Variants in ADAM32 observed in about 807,000 individuals in gnomAD.
ADAM32 encodes ADAM metallopeptidase domain 32.
ADAM32 carries 89 observed loss-of-function variants against 114.9 expected under a neutral mutation model. The ratio of observed to expected loss-of-function variants is 0.77; its 90% CI spans 0.65 to 0.92. The LOEUF is 0.92. Among genes scored for constraint, ADAM32 ranks in the 40% least tolerant of loss-of-function variants. ADAM32 has a pLI of 0.00. For synonymous variants in ADAM32, 285 were observed against 307.5 expected (o/e 0.93, Z 0.77); for missense variants, 870 against 932.8 (o/e 0.93, Z 0.88).
At position 39,133,482 on chromosome 8, in the gene ADAM32, A is replaced by G. The variant is rs796334435; in HGVS notation, c.139-3175A>G. 2.4e-4 allele frequency among the ~76,000 whole-genome samples: 36 copies of G among 152,368 alleles called. 1 individual carries two copies. Among genetic ancestry groups the G allele is most frequent in the African/African-American group, 8.7e-4 (36 of 41,596 alleles). ...TGGGGATGGGGAAACCAGGCAAGCC[A>G]GTCTACAGTGGTGGCAGTGGCAGGT... On this transcript the variant is annotated intron_variant, in intron 2 of 24. Coordinates refer to ENST00000379907, the MANE Select transcript of ADAM32 (RefSeq NM_145004.7).
At chr8:39,130,715 C>T in intron 2 of ADAM32, 1 of 288,480 alleles carries the variant, frequency 3.5e-6, no homozygotes, top group Non-Finnish European at 6.9e-6. Flanking sequence ...GGTTTTGTCT[C>T]TTGTTGATTC....
intron 12 of ADAM32, chr8:39,220,791 ATT>A (rs1242115268): frequency 1.3e-5 from 2 of 151,902 alleles, no homozygotes; most frequent in East Asian, 3.8e-4. Context: ...TATGATTTTA[ATT>A]GTTTTTTGAA....
At chr8:39,175,228 G>A (rs756612308) in intron 10 of ADAM32, among the ~76,000 whole-genome samples, 6 of 152,226 alleles carry the variant, frequency 3.9e-5, no homozygotes, top group Middle Eastern at 3.4e-3. Flanking sequence ...ATGTTGAATA[G>A]GAATGGTGAG....
chr8:39,213,111 A>G (rs1808338767), intron 12 of ADAM32, among the ~76,000 whole-genome samples: 1 of 152,178 alleles, frequency 6.6e-6, no homozygotes, highest in Non-Finnish European at 1.5e-5. Flanking sequence ...GTAATGATTA[A>G]GTCAAGGTTA....
Position 39,166,315 on chromosome 8 carries a change from T to C in ADAM32, c.833+1119T>C, listed in dbSNP as rs889068144. ...GATGTTTGGTTTTCCATTCTTGAGT[T>C]ACTTCACTTAGAATAATAGTCTCCA... On this transcript the variant is annotated intron_variant, in intron 9 of 24. Transcript: ENST00000379907. 17 of 152,254 alleles carry C rather than the reference T, an allele frequency of 1.1e-4. 1 individual carries two copies. Among genetic ancestry groups the C allele is most frequent in the African/African-American group, 3.4e-4 (14 of 41,470 alleles). The allele number at this position is 152,254 out of a possible 1,614,324, so 9.4% of individuals were successfully genotyped here.
chr8:39,235,541 A>AAGTCTTTT (rs1446254034), intron 16 of ADAM32, among the ~76,000 whole-genome samples: 6 of 152,168 alleles, frequency 3.9e-5, no homozygotes, highest in African/African-American at 1.4e-4. Context: ...ACAACCAATA[A>AAGTCTTTT]AGTCTTTGAG....
Position 39,219,196 on chromosome 8 carries a change from G to A in ADAM32, c.1234-2414G>A, listed in dbSNP as rs950731029. ...CAACCAGAAGGACGGGGTCTTTTTG[G>A]CGCTGTGCACTCTGCTGCCTGAGGC... On this transcript the variant is annotated intron_variant, in intron 12 of 24. Coordinates refer to ENST00000379907, the MANE Select transcript of ADAM32 (RefSeq NM_145004.7). 2.6e-5 allele frequency among the ~76,000 whole-genome samples: 4 copies of A among 152,100 alleles called. No homozygotes were observed. The East Asian group carries it at 7.8e-4, about 29-fold the overall frequency.
Position 39,221,579 on chromosome 8 carries a change from A to G in ADAM32, c.1234-31A>G, listed in dbSNP as rs776216326. On this transcript the variant is annotated intron_variant, in intron 12 of 24. Coordinates refer to ENST00000379907, the MANE Select transcript of ADAM32 (RefSeq NM_145004.7). The stretch of plus-strand genomic sequence containing the variant: ...AAAGATTTTACTATTGTCATGATGT[A>G]TTTTTACTTGTACATTTCACTAATT... 32 of 1,535,816 alleles carry G rather than the reference A, an allele frequency of 2.1e-5. No individual in the cohort carries two copies. In the Admixed American group the frequency reaches 5.3e-4, roughly 25 times the overall value.
chr8:39,281,074 G>A (rs547466985), intron 22 of ADAM32, 62 bp from the exon 23 acceptor site: 29 of 838,192 alleles, frequency 3.5e-5, no homozygotes, highest in Middle Eastern at 4.6e-4. Context: ...GAGCCACCGC[G>A]CCTGGCCAAT....
chr8:39,196,918 G>A (rs1428609849), intron 11 of ADAM32, among the ~76,000 whole-genome samples: 1 of 152,032 alleles, frequency 6.6e-6, no homozygotes, highest in African/African-American at 2.4e-5. Flanking sequence ...AAAAACTGGT[G>A]TTAGTTCTTC....
intron 23 of ADAM32, 92 bp from the exon 24 acceptor site, chr8:39,283,494 A>G: frequency 1.0e-6 from 1 of 1,003,156 alleles, no homozygotes; most frequent in South Asian, 1.9e-5. Context: ...TTGAACGGAA[A>G]GAGGAAGAAA....
chr8:39,112,157 G>A (rs944050719), intron 1 of ADAM32, among the ~76,000 whole-genome samples: 1 of 152,042 alleles, frequency 6.6e-6, no homozygotes, highest in African/African-American at 2.4e-5. Context: ...ATGTTTAACA[G>A]TTTGATGGTA....
intron 9 of ADAM32, chr8:39,167,781 AT>A (rs1332209554): frequency 6.6e-6 from 1 of 151,932 alleles, no homozygotes; most frequent in East Asian, 1.9e-4. Flanking sequence ...ATTCCTAAGT[AT>A]TTTATTTTTT....
chr8:39,237,851 C>G (rs1810280046), intron 16 of ADAM32, among the ~76,000 whole-genome samples: 1 of 152,176 alleles, frequency 6.6e-6, no homozygotes, highest in Non-Finnish European at 1.5e-5. Context: ...CTAGGGCCCA[C>G]CCATCACCTG....
chr8:39,172,324 CT>C (rs780354137), intron 10 of ADAM32, among the ~76,000 whole-genome samples: 1 of 152,028 alleles, frequency 6.6e-6, no homozygotes, highest in Admixed American at 6.6e-5. Context: ...AATGAAAGCA[CT>C]TTTTTTCTTC....
intron 11 of ADAM32, among the ~76,000 whole-genome samples, chr8:39,188,204 A>G (rs567358460): frequency 4.9e-4 from 75 of 152,342 alleles, no homozygotes; most frequent in South Asian, 1.5e-3. Flanking sequence ...AACATATTTT[A>G]TATGTGTATA....
intron 11 of ADAM32, among the ~76,000 whole-genome samples, chr8:39,189,210 G>GT: frequency 6.6e-6 from 1 of 152,228 alleles, no homozygotes; most frequent in South Asian, 2.1e-4. Context: ...CTAAGACTTA[G>GT]ATAATTTAAT....
At chr8:39,158,141 A>G in intron 6 of ADAM32, 1 of 193,498 alleles carries the variant, frequency 5.2e-6, no homozygotes, top group Non-Finnish European at 1.1e-5. Flanking sequence ...TCCAGAGACC[A>G]GTCCAGTTTC....
At chr8:39,115,540 A>T (rs1002336955) in intron 1 of ADAM32, among the ~76,000 whole-genome samples, 3 of 148,140 alleles carry the variant, frequency 2.0e-5, no homozygotes, top group African/African-American at 7.4e-5. Context: ...GGCCACATGT[A>T]TGTTTTATTT....
Sources: allele counts gnomAD v4.1 joint callset (sites outside exome capture counted in the v4.1 genomes callset), GRCh38; gene constraint gnomAD v4.1.1; transcripts MANE v1.5; gene names NCBI Gene and HGNC (gene_info 2026-07-23, HGNC 2026-07-21).